Variants in EYS observed in about 807,000 individuals in gnomAD.
EYS encodes the protein protein eyes shut homolog.
A neutral mutation model predicts 282.1 loss-of-function variants in EYS; 250 were observed. That is an observed-to-expected ratio of 0.89 (90% confidence interval 0.80 to 0.98). The LOEUF (loss-of-function observed/expected upper bound fraction) is 0.98. Among genes scored for constraint, EYS ranks in the 50% least tolerant of loss-of-function variants. The pLI, the probability that EYS is intolerant of heterozygous loss-of-function variation, is 0.00. For synonymous variants in EYS, 1,355 were observed against 1,282.9 expected, an observed-to-expected ratio of 1.06 and a Z score of -1.20; for missense variants, 4,016 against 3,709.0, an observed-to-expected ratio of 1.08 and a Z score of -2.15.
chr6:63,867,529 C>T (rs2149711129), intron 35 of EYS, among the ~76,000 whole-genome samples: 1 of 152,252 alleles, frequency 6.6e-6, no homozygotes, highest in Non-Finnish European at 1.5e-5. Flanking sequence ...TTGTTGTGCA[C>T]CTACATCATG....
intron 10 of EYS, among the ~76,000 whole-genome samples, chr6:65,337,534 T>G (rs1049958803): frequency 6.6e-6 from 1 of 151,258 alleles, no homozygotes; most frequent in African/African-American, 2.4e-5. Flanking sequence ...TAACTCTATA[T>G]CTACAGGTAG....
At position 65,383,715 on chromosome 6, in the gene EYS, A is replaced by C. The variant is rs200057097; in HGVS notation, c.1299+671T>G. Among the ~76,000 whole-genome samples, 7 of 151,966 alleles carry C rather than the reference A, an allele frequency of 4.6e-5. No homozygotes were observed. In the East Asian group the frequency reaches 1.4e-3, roughly 29 times the overall value. On this transcript the variant is annotated intron_variant, in intron 8 of 42. Transcript: ENST00000503581. ...GGTGTGTGTAATCCTCAAGTTTATA[A>C]AATTTTAAAATTCAATATTTTTATA...
chr6:65,416,064 T>C (rs1767220384), intron 5 of EYS, among the ~76,000 whole-genome samples: 1 of 151,904 alleles, frequency 6.6e-6, no homozygotes, highest in Non-Finnish European at 1.5e-5. Flanking sequence ...ATAATTTAAT[T>C]GCACAAGAAG....
intron 31 of EYS, among the ~76,000 whole-genome samples, chr6:64,085,268 G>GCCCAGC (rs1362462641): frequency 3.8e-4 from 58 of 151,456 alleles, no homozygotes; most frequent in African/African-American, 1.3e-3. Flanking sequence ...GAGTCACCCT[G>GCCCAGC]CCCAGCCCTC....
intron 22 of EYS, among the ~76,000 whole-genome samples, chr6:64,653,760 T>C (rs1768648643): frequency 6.8e-6 from 1 of 146,692 alleles, no homozygotes; most frequent in Non-Finnish European, 1.5e-5. Flanking sequence ...AGATGAGGTC[T>C]TACTATGTTG....
At chr6:65,053,881 A>G (rs1773343747) in intron 13 of EYS, among the ~76,000 whole-genome samples, 1 of 151,940 alleles carries the variant, frequency 6.6e-6, no homozygotes, top group Non-Finnish European at 1.5e-5. Flanking sequence ...AAATTTACCA[A>G]CTTAATCTTG....
At chr6:65,310,684 C>A (rs1258202057) in intron 11 of EYS, among the ~76,000 whole-genome samples, 1 of 152,158 alleles carries the variant, frequency 6.6e-6, no homozygotes, top group Non-Finnish European at 1.5e-5. Context: ...CTATGAGCAG[C>A]TCATTTGCTA....
intron 33 of EYS, among the ~76,000 whole-genome samples, chr6:64,057,970 T>C (rs964493772): frequency 1.3e-5 from 2 of 152,236 alleles, no homozygotes; most frequent in Middle Eastern, 3.4e-3. Flanking sequence ...CAGCTGAGAT[T>C]ATAGGCATAC....
intron 33 of EYS, among the ~76,000 whole-genome samples, chr6:64,048,648 C>T (rs1770705993): frequency 6.6e-6 from 1 of 151,968 alleles, no homozygotes; most frequent in African/African-American, 2.4e-5. Flanking sequence ...TTCATGATTA[C>T]CTGGAGGTCT....
chr6:63,937,613 C>A (rs1765111223), intron 35 of EYS, among the ~76,000 whole-genome samples: 1 of 151,756 alleles, frequency 6.6e-6, no homozygotes, highest in South Asian at 2.1e-4. Flanking sequence ...AATCTCCTGA[C>A]CTCGTGATCC....
intron 36 of EYS, among the ~76,000 whole-genome samples, chr6:63,832,437 C>A (rs992289395): frequency 6.6e-6 from 1 of 152,178 alleles, no homozygotes; most frequent in Non-Finnish European, 1.5e-5. Flanking sequence ...ACTATAAACA[C>A]CTCTATGCAA....
intron 19 of EYS, among the ~76,000 whole-genome samples, chr6:64,854,011 A>G (rs1765968940): frequency 6.6e-6 from 1 of 152,084 alleles, no homozygotes; most frequent in Admixed American, 6.6e-5. Flanking sequence ...GCTCATCATC[A>G]CTGGCCATCA....
At chr6:65,332,235 C>T in intron 11 of EYS, 2 of 570,748 alleles carry the variant, frequency 3.5e-6, no homozygotes, top group South Asian at 2.4e-5. Context: ...CAATTTTTTT[C>T]TCCATCTACA....
intron 26 of EYS, among the ~76,000 whole-genome samples, chr6:64,564,718 A>G (rs1023773861): frequency 2.0e-5 from 3 of 151,482 alleles, no homozygotes; most frequent in Non-Finnish European, 4.4e-5. Context: ...GTTCTCACTC[A>G]TAAGTGGGAA....
intron 11 of EYS, among the ~76,000 whole-genome samples, chr6:65,298,692 C>T (rs1051299594): frequency 6.7e-4 from 101 of 151,438 alleles, no homozygotes; most frequent in African/African-American, 2.4e-3. Flanking sequence ...TCTATATCAA[C>T]CTACCTACAA....
intron 21 of EYS, among the ~76,000 whole-genome samples, chr6:64,821,087 G>C (rs1190399368): frequency 6.6e-6 from 1 of 151,342 alleles, no homozygotes; most frequent in African/African-American, 2.4e-5. Context: ...ATTCTCAGTC[G>C]ACCAACATTT....
At chr6:64,902,049 G>A in intron 18 of EYS, 64 bp downstream of exon 18, 1 of 1,052,962 alleles carries the variant, frequency 9.5e-7, no homozygotes, top group South Asian at 1.5e-5. Flanking sequence ...GAGCACATGT[G>A]TGCTCACTTT....
intron 36 of EYS, among the ~76,000 whole-genome samples, chr6:63,856,015 GTTT>G (rs35464160): frequency 3.6e-5 from 5 of 138,334 alleles, no homozygotes; most frequent in Admixed American, 1.4e-4. Flanking sequence ...TTTCAGTGAA[GTTT>G]TTTTTTTTTT....
chr6:65,679,462 C>A (rs1768743081), intron 1 of EYS, among the ~76,000 whole-genome samples: 1 of 151,816 alleles, frequency 6.6e-6, no homozygotes, highest in Admixed American at 6.6e-5. Flanking sequence ...CTGCATGATT[C>A]CACTTTTATG....
Sources: gnomAD v4.1 joint callset for allele counts (sites outside exome capture counted in the v4.1 genomes callset) on GRCh38, gnomAD v4.1.1 for gene constraint, MANE v1.5 for transcripts, NCBI Gene and HGNC (gene_info 2026-07-23, HGNC 2026-07-21) for gene names.